The following SPATA16 variants were observed in gnomAD, a reference collection of about 807,000 sequenced individuals.
The protein encoded by SPATA16 is spermatogenesis associated 16.
A neutral mutation model predicts 63.3 loss-of-function variants in SPATA16; 36 were observed. The observed-to-expected ratio is 0.57, with a 90% CI of 0.44 to 0.75. SPATA16 has a LOEUF of 0.75. Among genes scored for constraint, SPATA16 ranks in the 30% least tolerant of loss-of-function variants. The probability of loss-of-function intolerance (pLI) is 0.00; values close to 1 mark genes in which losing one functional copy is unlikely to be tolerated. For synonymous variants in SPATA16, 203 were observed against 216.7 expected (o/e 0.94, Z 0.56); for missense variants, 646 against 679.3 (o/e 0.95, Z 0.54).
At chr3:172,891,901 A>G (rs1196034849) in intron 10 of SPATA16, among the ~76,000 whole-genome samples, 4 of 152,154 alleles carry the variant, frequency 2.6e-5, no homozygotes, top group Non-Finnish European at 5.9e-5. Context: ...TGTAATTTTT[A>G]AACTTAATTG....
At chr3:173,045,259 A>T (rs1735930835) in intron 3 of SPATA16, among the ~76,000 whole-genome samples, 1 of 152,024 alleles carries the variant, frequency 6.6e-6, no homozygotes, top group Non-Finnish European at 1.5e-5. Flanking sequence ...GTGAGACTGT[A>T]GTTTAACTTG....
intron 4 of SPATA16, among the ~76,000 whole-genome samples, chr3:172,981,657 C>T (rs1034817609): frequency 2.0e-5 from 3 of 152,164 alleles, no homozygotes; most frequent in Non-Finnish European, 4.4e-5. Flanking sequence ...CTACCCTGAC[C>T]AGATTCCAAC....
chr3:172,984,797 C>G (rs1011148660), intron 4 of SPATA16, among the ~76,000 whole-genome samples: 2 of 152,100 alleles, frequency 1.3e-5, no homozygotes, highest in African/African-American at 4.8e-5. Flanking sequence ...ATTGCCTGTT[C>G]CTAGATTCTC....
At chr3:173,106,059 A>G (rs1515443) in intron 2 of SPATA16, among the ~76,000 whole-genome samples, 106,925 of 152,034 alleles carry the variant, frequency 0.7, 39,124 homozygotes, top group African/African-American at 0.92. Flanking sequence ...ACCCAGCAAT[A>G]GGTAATAACA....
At chr3:172,902,919 ATGTAAAGGCACT>A (rs1560061797) in intron 10 of SPATA16, among the ~76,000 whole-genome samples, 1 of 152,216 alleles carries the variant, frequency 6.6e-6, no homozygotes, top group East Asian at 1.9e-4. Flanking sequence ...TTAGAGCTGC[ATGTAAAGGCACT>A]TTTATTTTTG....
intron 3 of SPATA16, among the ~76,000 whole-genome samples, chr3:173,048,600 C>T (rs1736008462): frequency 6.6e-6 from 1 of 152,126 alleles, no homozygotes; most frequent in African/African-American, 2.4e-5. Context: ...GAATTCCCTT[C>T]TACCATTCCA....
chr3:172,950,759 C>A (rs988702360), intron 6 of SPATA16, among the ~76,000 whole-genome samples: 1 of 151,896 alleles, frequency 6.6e-6, no homozygotes, highest in Non-Finnish European at 1.5e-5. Context: ...ATTATTTATG[C>A]GAACATACAT....
intron 5 of SPATA16, among the ~76,000 whole-genome samples, chr3:172,975,090 A>G (rs1350483495): frequency 6.6e-6 from 1 of 152,128 alleles, no homozygotes; most frequent in Non-Finnish European, 1.5e-5. Context: ...GGTAAATAAA[A>G]TAGGGATATT....
intron 4 of SPATA16, among the ~76,000 whole-genome samples, chr3:173,009,772 G>A (rs2108270676): frequency 6.6e-6 from 1 of 152,356 alleles, no homozygotes; most frequent in South Asian, 2.1e-4. Flanking sequence ...CAAAGAATTA[G>A]AGAAAATGCA....
At chr3:172,965,298 T>C (rs989976336) in intron 5 of SPATA16, among the ~76,000 whole-genome samples, 3 of 152,234 alleles carry the variant, frequency 2.0e-5, no homozygotes, top group Non-Finnish European at 4.4e-5. Context: ...TGCTGACTTG[T>C]AAATGATGTT....
At chr3:173,044,427 T>A (rs1577146137) in intron 3 of SPATA16, among the ~76,000 whole-genome samples, 1 of 152,332 alleles carries the variant, frequency 6.6e-6, no homozygotes, top group Non-Finnish European at 1.5e-5. Flanking sequence ...TATTCATCTA[T>A]GCTAAATCTC....
intron 4 of SPATA16, among the ~76,000 whole-genome samples, chr3:173,004,118 G>A (rs1017398266): frequency 5.9e-5 from 9 of 152,130 alleles, no homozygotes; most frequent in African/African-American, 1.7e-4. Flanking sequence ...ACAATTAGTG[G>A]CATCAAGATT....
chr3:172,964,870 A>G (rs928450313), intron 5 of SPATA16, among the ~76,000 whole-genome samples: 1 of 152,198 alleles, frequency 6.6e-6, no homozygotes, highest in Admixed American at 6.5e-5. Context: ...TTGAGTGGAA[A>G]GATCAGGGAT....
At chr3:173,040,098 C>G (rs993978248) in intron 3 of SPATA16, among the ~76,000 whole-genome samples, 2 of 151,962 alleles carry the variant, frequency 1.3e-5, no homozygotes, top group Non-Finnish European at 2.9e-5. Context: ...CTCCAGCCCC[C>G]CACCTCCTTC....
intron 2 of SPATA16, among the ~76,000 whole-genome samples, chr3:173,103,900 T>C (rs1737557285): frequency 6.6e-6 from 1 of 152,212 alleles, no homozygotes. Context: ...CTGCTTCCCT[T>C]CTAAATATAG....
intron 2 of SPATA16, among the ~76,000 whole-genome samples, chr3:173,092,278 A>G (rs1207221807): frequency 6.6e-6 from 1 of 152,168 alleles, no homozygotes; most frequent in East Asian, 1.9e-4. Context: ...ACAGTTCTTG[A>G]CAAGCCAGTA....
intron 2 of SPATA16, among the ~76,000 whole-genome samples, chr3:173,110,743 C>G (rs1560126320): frequency 1.3e-5 from 2 of 152,212 alleles, no homozygotes; most frequent in African/African-American, 4.8e-5. Context: ...GATAATCTGA[C>G]TCCAAATTCA....
Position 172,913,613 on chromosome 3 carries a change from AT to A in SPATA16, c.1587+47del. On this transcript the variant is annotated intron_variant, in intron 10 of 10. Transcript: ENST00000351008. The stretch of plus-strand genomic sequence containing the variant: ...CAAACAGATTTGACCCAAAATGGAC[AT>A]TTTCTTTGAGAATAATAGATCTTTT... 1.9e-6 allele frequency: 3 copies of A among 1,575,788 alleles called. No homozygotes were observed. The South Asian group carries it at 3.3e-5, about 17-fold the overall frequency.
chr3:173,038,171 A>G (rs763184114), intron 3 of SPATA16, among the ~76,000 whole-genome samples: 2 of 152,052 alleles, frequency 1.3e-5, no homozygotes, highest in Non-Finnish European at 2.9e-5. Context: ...TAAAATGAGT[A>G]GGGGTTGGCA....
Sources: gnomAD v4.1 joint callset for allele counts (sites outside exome capture counted in the v4.1 genomes callset) on GRCh38, gnomAD v4.1.1 for gene constraint, MANE v1.5 for transcripts, NCBI Gene and HGNC (gene_info 2026-07-23, HGNC 2026-07-21) for gene names.